Variants in TRDN observed in about 807,000 individuals in gnomAD.
The protein encoded by TRDN is triadin.
A neutral mutation model predicts 149.7 loss-of-function variants in TRDN; 161 were observed. The observed-to-expected ratio is 1.08, with a 90% confidence interval of 0.95 to 1.23. The LOEUF (loss-of-function observed/expected upper bound fraction) is 1.23, where lower values mean the gene tolerates loss of function less well. Ranked by LOEUF, TRDN falls within the 50% of genes most tolerant of loss-of-function variation. The pLI is 0.00. For missense variants in TRDN, 896 were observed against 823.5 expected, an observed-to-expected ratio of 1.09 and a Z score of -1.08; for synonymous variants, 294 against 250.5, an observed-to-expected ratio of 1.17 and a Z score of -1.64.
At chr6:123,313,548 A>G (rs1486443203) in intron 24 of TRDN, among the ~76,000 whole-genome samples, 1 of 151,520 alleles carries the variant, frequency 6.6e-6, no homozygotes, top group Non-Finnish European at 1.5e-5. Flanking sequence ...CTGGGTGTCC[A>G]CTCCAATCCC....
At chr6:123,616,438 T>C (rs184020874) in intron 1 of TRDN, among the ~76,000 whole-genome samples, 238 of 152,308 alleles carry the variant, frequency 1.6e-3, no homozygotes, top group Admixed American at 4.5e-3. Flanking sequence ...TCATGCAGTG[T>C]CTGATATGTT....
At chr6:123,605,376 G>A (rs17085492) in intron 1 of TRDN, among the ~76,000 whole-genome samples, 37,179 of 150,732 alleles carry the variant, frequency 0.25, 4,751 homozygotes, top group East Asian at 0.43. Flanking sequence ...GAACATATTG[G>A]AGAGAAATAA....
intron 1 of TRDN, among the ~76,000 whole-genome samples, chr6:123,626,121 A>G (rs916524084): frequency 4.6e-5 from 7 of 152,176 alleles, no homozygotes; most frequent in African/African-American, 1.2e-4. Context: ...AACAAAGTTC[A>G]CAGCATCTCC....
chr6:123,565,248 A>G (rs542042488), intron 2 of TRDN, among the ~76,000 whole-genome samples: 1 of 152,222 alleles, frequency 6.6e-6, no homozygotes, highest in Admixed American at 6.5e-5. Context: ...GCTTGAAGGG[A>G]AGATCTCCGG....
rs965118886 is a variant in TRDN, at chr6:123,451,387, A to G, written c.932-12384T>C. Among the ~76,000 whole-genome samples the G allele has an allele frequency of 2.0e-5, 3 of 152,240 alleles. No homozygotes were observed. The East Asian group carries it at 5.8e-4, about 29-fold the overall frequency. On this transcript the variant is annotated intron_variant, in intron 10 of 40. Coordinates refer to ENST00000334268, the MANE Select transcript of TRDN (RefSeq NM_006073.4). ...ACCAAGAAGAGAAGAGAGAAAATAC[A>G]AATAACTTCACTAAGAAATGAAACA... is the stretch of plus-strand genomic sequence containing the variant.
intron 9 of TRDN, among the ~76,000 whole-genome samples, chr6:123,489,122 C>T (rs749354921): frequency 1.3e-5 from 2 of 152,064 alleles, no homozygotes; most frequent in Non-Finnish European, 2.9e-5. Context: ...ACCAATATCT[C>T]AAGGTCTATT....
At chr6:123,266,639 T>G (rs1406059662) in intron 32 of TRDN, among the ~76,000 whole-genome samples, 1 of 40,594 alleles carries the variant, frequency 2.5e-5, no homozygotes, top group African/African-American at 7.6e-5. Context: ...ATAATATGTA[T>G]TATATTATAA....
chr6:123,596,720 G>A (rs1422125788), intron 1 of TRDN, among the ~76,000 whole-genome samples: 1 of 152,006 alleles, frequency 6.6e-6, no homozygotes, highest in African/African-American at 2.4e-5. Flanking sequence ...TGCTCTATCA[G>A]TGGAACAACA....
At position 123,255,857 on chromosome 6, in the gene TRDN, A is replaced by T; in HGVS notation, c.1906+10T>A. On this transcript the variant is annotated intron_variant, in intron 36 of 40. Coordinates refer to ENST00000334268, the MANE Select transcript of TRDN (RefSeq NM_006073.4). ...TTTGCATTCTATTTTTTATTCTTTTAAAAAATTACCTTTTTCTTCTCTAAG... is the reference window on the plus strand; with the variant it reads ...TTTGCATTCTATTTTTTATTCTTTTTAAAAATTACCTTTTTCTTCTCTAAG... 1 of 1,339,888 alleles carries T rather than the reference A, an allele frequency of 7.5e-7. No individual in the cohort carries two copies. The highest frequency in any genetic ancestry group is 1.8e-5 in the South Asian group (1 of 56,598). The allele number at this position is 1,339,888 out of a possible 1,614,324, so 83.0% of individuals were successfully genotyped here.
At chr6:123,251,297 C>G (rs1352798349) in intron 38 of TRDN, among the ~76,000 whole-genome samples, 1 of 151,956 alleles carries the variant, frequency 6.6e-6, no homozygotes, top group Non-Finnish European at 1.5e-5. Context: ...ACAGTAGGAC[C>G]TTCTCTATCC....
At chr6:123,490,881 G>A (rs768173939) in intron 9 of TRDN, among the ~76,000 whole-genome samples, 1 of 152,148 alleles carries the variant, frequency 6.6e-6, no homozygotes, top group Non-Finnish European at 1.5e-5. Context: ...GAGGTGGGCG[G>A]ATCACGAGGT....
rs139341316 is a variant in TRDN, at chr6:123,594,669, C to A, written c.23-23537G>T. 3.2e-3 allele frequency among the ~76,000 whole-genome samples: 485 copies of A among 151,966 alleles called. 2 individuals carry two copies. The highest frequency in any genetic ancestry group is 0.011 in the African/African-American group (455 of 41,508). On this transcript the variant is annotated intron_variant, in intron 1 of 40. Transcript: ENST00000334268. ...AATGATTCTACAATAATTTATTCAA[C>A]AAAATCCACTACCCTCAGAACCTAA...
chr6:123,360,984 T>C (rs1214103715), intron 20 of TRDN, among the ~76,000 whole-genome samples: 3 of 152,178 alleles, frequency 2.0e-5, no homozygotes, highest in Non-Finnish European at 4.4e-5. Flanking sequence ...CTATCATTGA[T>C]GGGCATTTGG....
At chr6:123,394,795 T>C (rs1772651884) in intron 12 of TRDN, among the ~76,000 whole-genome samples, 1 of 152,126 alleles carries the variant, frequency 6.6e-6, no homozygotes, top group Non-Finnish European at 1.5e-5. Flanking sequence ...CTATAGCTAT[T>C]TATTCAGAGA....
intron 23 of TRDN, 62 bp from the exon 24 acceptor site, chr6:123,316,557 A>T (rs542656476): frequency 1.3e-6 from 2 of 1,490,102 alleles, no homozygotes; most frequent in East Asian, 4.6e-5. Flanking sequence ...CATTTGAAAA[A>T]TAGTCAGTAC....
intron 38 of TRDN, among the ~76,000 whole-genome samples, chr6:123,233,807 TTTA>T (rs1198862988): frequency 6.6e-6 from 1 of 150,518 alleles, no homozygotes; most frequent in African/African-American, 2.5e-5. Context: ...ATGTTTTCTC[TTTA>T]TTTTTTTATT....
Position 123,218,658 on chromosome 6 carries a change from G to A in TRDN, c.2133C>T (p.Arg711=), listed in dbSNP as rs1311136614. Residue 711 remains arginine (R), a synonymous_variant, in exon 41 of 41, where the codon CGC becomes CGT. Coordinates refer to ENST00000334268, the MANE Select transcript of TRDN (RefSeq NM_006073.4). Reference sequence around the variant, plus strand: ...TTGCTTGACCAGAGCTCTCTCCAGGGCGGTCTGCAGGAGTGAAAGGAAACT... The same window carrying A: ...TTGCTTGACCAGAGCTCTCTCCAGGACGGTCTGCAGGAGTGAAAGGAAACT... The part of the protein sequence containing the change: ...GFQFPFTPAD[R]PGESSGQANS... 8 of 1,610,610 alleles carry A rather than the reference G, an allele frequency of 5.0e-6. No homozygotes were observed. The highest frequency in any genetic ancestry group is 6.8e-6 in the Non-Finnish European group (8 of 1,178,062).
chr6:123,292,097 C>T (rs1020178030), intron 24 of TRDN, among the ~76,000 whole-genome samples: 1 of 152,178 alleles, frequency 6.6e-6, no homozygotes, highest in African/African-American at 2.4e-5. Flanking sequence ...ACTCCATTCC[C>T]TTCGGCCCAT....
intron 23 of TRDN, among the ~76,000 whole-genome samples, chr6:123,318,021 A>G (rs1779096055): frequency 6.6e-6 from 1 of 151,992 alleles, no homozygotes; most frequent in African/African-American, 2.4e-5. Flanking sequence ...ATGGCCTGCA[A>G]CAATTCAATG....
Sources: gnomAD v4.1 joint callset for allele counts (sites outside exome capture counted in the v4.1 genomes callset) on GRCh38, gnomAD v4.1.1 for gene constraint, MANE v1.5 for transcripts, NCBI Gene and HGNC (gene_info 2026-07-23, HGNC 2026-07-21) for gene names.